The following KAT2B variants were observed in gnomAD, a reference collection of about 807,000 sequenced individuals.
The protein encoded by KAT2B is lysine acetyltransferase 2B, also known as histone acetyltransferase KAT2B.
Under a neutral mutation model 105.9 loss-of-function variants are expected in KAT2B, and 36 were observed. That is an observed-to-expected ratio of 0.34 (90% CI 0.26 to 0.45). KAT2B has a LOEUF of 0.45. Among genes scored for constraint, KAT2B ranks in the 20% least tolerant of loss-of-function variants. The probability of loss-of-function intolerance (pLI) is 1.00; values close to 1 mark genes in which losing one functional copy is unlikely to be tolerated. For synonymous variants in KAT2B, 397 were observed against 377.9 expected, an observed-to-expected ratio of 1.05 and a Z score of -0.59; for missense variants, 820 against 1,021.6, an observed-to-expected ratio of 0.80 and a Z score of 2.69.
rs140696434 is a variant in KAT2B at position 20,091,951 on chromosome 3, G to C, written c.431-3312G>C. 1.9e-3 allele frequency among the ~76,000 whole-genome samples: 290 copies of C among 152,224 alleles called. 2 individuals are homozygous for C. In the East Asian group the frequency reaches 0.022, roughly 12 times the overall value. The stretch of plus-strand genomic sequence containing the variant: ...GGAATAGACAGTTGGTATGATTTCA[G>C]TCTTTTAAAAGTTGTTAAGACTTGT... On this transcript the variant is annotated intron_variant, in intron 2 of 17. Coordinates refer to ENST00000263754, the MANE Select transcript of KAT2B (RefSeq NM_003884.5).
intron 7 of KAT2B, among the ~76,000 whole-genome samples, chr3:20,117,202 G>A (rs1427238595): frequency 6.6e-6 from 1 of 152,148 alleles, no homozygotes; most frequent in Non-Finnish European, 1.5e-5. Context: ...GTTGTTGCCT[G>A]TGACCCTATG....
chr3:20,078,703 GTATA>G (rs371492340), intron 2 of KAT2B, among the ~76,000 whole-genome samples: 7 of 148,022 alleles, frequency 4.7e-5, no homozygotes, highest in Non-Finnish European at 7.4e-5. Flanking sequence ...GTATATATAT[GTATA>G]TATATATGTA....
chr3:20,139,800 AT>A (rs3840190), intron 12 of KAT2B, among the ~76,000 whole-genome samples: 39,857 of 151,728 alleles, frequency 0.26, 8,048 homozygotes, highest in East Asian at 0.62. Flanking sequence ...TAATCACTTT[AT>A]TTTTTTGACC....
chr3:20,126,066 G>C lies in KAT2B; in HGVS notation c.1575G>C (p.Gln525His). The change falls in exon 10 of 18, where the codon CAG becomes CAC. Residue 525 changes from glutamine (Q) to histidine (H), a missense_variant. Gln to His is a conservative substitution (Grantham distance 24). Transcript: ENST00000263754. ...LVGLQNVFSH[Q>H]LPRMPKEYIT... is the part of the protein sequence containing the mutation. ...GCCTACAGAACGTTTTCTCCCACCA[G>C]CTGCCCCGAATGCCAAAAGAATACA... 1 of 1,613,422 alleles carries C rather than the reference G, an allele frequency of 6.2e-7. No individual in the cohort carries two copies. The highest frequency in any genetic ancestry group is 8.5e-7 in the Non-Finnish European group (1 of 1,179,642).
intron 17 of KAT2B, among the ~76,000 whole-genome samples, chr3:20,149,230 G>T (rs1314211965): frequency 6.6e-6 from 1 of 152,018 alleles, no homozygotes; most frequent in Non-Finnish European, 1.5e-5. Context: ...CCATATTTTT[G>T]GAGAGAGCCA....
chr3:20,049,018 C>T (rs539093709), intron 1 of KAT2B, among the ~76,000 whole-genome samples: 7 of 152,244 alleles, frequency 4.6e-5, no homozygotes, highest in East Asian at 1.9e-4. Context: ...CCCGCCACCA[C>T]GCCCGGCTAA....
intron 5 of KAT2B, among the ~76,000 whole-genome samples, chr3:20,104,883 T>C (rs1008898925): frequency 1.1e-5 from 1 of 88,832 alleles, no homozygotes; most frequent in African/African-American, 5.9e-5. Context: ...TTTTTTGTTG[T>C]TTTTTTGTTT....
At chr3:20,041,727 A>C (rs1321120520) in intron 1 of KAT2B, among the ~76,000 whole-genome samples, 7 of 152,152 alleles carry the variant, frequency 4.6e-5, no homozygotes, top group Non-Finnish European at 8.8e-5. Context: ...TGGCTGAGGC[A>C]GGGAAGAGAC....
chr3:20,103,191 T>G (rs957639186), intron 5 of KAT2B, among the ~76,000 whole-genome samples: 2 of 152,218 alleles, frequency 1.3e-5, no homozygotes, highest in Non-Finnish European at 2.9e-5. Context: ...TGCTATATTA[T>G]TGAAACTCTT....
rs759961036 is a variant in KAT2B at position 20,072,479 on chromosome 3, A to G, written c.430+20A>G. 1.1e-5 allele frequency: 17 copies of G among 1,611,196 alleles called. No individual in the cohort carries two copies. Among genetic ancestry groups the G allele is most frequent in the Non-Finnish European group, 1.4e-5 (17 of 1,177,576 alleles). ...CCCTAGGTGAGTTCCTAAATCTTCA[A>G]GGAAAGTATAACGAGTTCATTGTAG... On this transcript the variant is annotated intron_variant, in intron 2 of 17. Transcript: ENST00000263754.
intron 1 of KAT2B, among the ~76,000 whole-genome samples, chr3:20,051,206 A>AAAG (rs572231072): frequency 6.6e-6 from 1 of 151,274 alleles, no homozygotes; most frequent in East Asian, 2.0e-4. Flanking sequence ...TCTCAAAAAA[A>AAAG]AAAAAAAACC....
intron 5 of KAT2B, among the ~76,000 whole-genome samples, chr3:20,104,882 G>GTTT (rs1419073499): frequency 2.3e-5 from 2 of 88,030 alleles, no homozygotes. Flanking sequence ...TTTTTTTGTT[G>GTTT]TTTTTTTGTT....
chr3:20,043,368 T>G (rs1697752971), intron 1 of KAT2B, among the ~76,000 whole-genome samples: 1 of 152,166 alleles, frequency 6.6e-6, no homozygotes, highest in Non-Finnish European at 1.5e-5. Context: ...TATGCATGTG[T>G]TGGGGGCCTA....
intron 1 of KAT2B, among the ~76,000 whole-genome samples, chr3:20,045,040 GGTCTCGCTCT>G (rs1338061511): frequency 4.6e-5 from 7 of 151,828 alleles, no homozygotes; most frequent in Non-Finnish European, 1.0e-4. Flanking sequence ...TTTGAGACAG[GGTCTCGCTCT>G]GTCACCCTGG....
At chr3:20,049,874 G>A (rs1575104187) in intron 1 of KAT2B, among the ~76,000 whole-genome samples, 1 of 152,266 alleles carries the variant, frequency 6.6e-6, no homozygotes, top group South Asian at 2.1e-4. Context: ...TGCCAAATGT[G>A]TCAGAAAGTT....
At chr3:20,130,052 A>G (rs536034814) in intron 11 of KAT2B, among the ~76,000 whole-genome samples, 3 of 152,112 alleles carry the variant, frequency 2.0e-5, no homozygotes, top group South Asian at 4.2e-4. Context: ...TGATCTGCTC[A>G]CTGCAACCTC....
chr3:20,082,731 T>C (rs1698541777), intron 2 of KAT2B, among the ~76,000 whole-genome samples: 1 of 152,188 alleles, frequency 6.6e-6, no homozygotes, highest in Non-Finnish European at 1.5e-5. Flanking sequence ...AGATATGGCT[T>C]TCTAAAAAGA....
chr3:20,077,897 T>C (rs1176529362), intron 2 of KAT2B, among the ~76,000 whole-genome samples: 5 of 152,128 alleles, frequency 3.3e-5, no homozygotes, highest in Non-Finnish European at 7.4e-5. Flanking sequence ...AGCTTGGGTC[T>C]TGCATGGTGG....
intron 2 of KAT2B, among the ~76,000 whole-genome samples, 167 bp from the exon 3 acceptor site, chr3:20,095,096 T>A (rs1380199202): frequency 6.6e-6 from 1 of 152,180 alleles, no homozygotes; most frequent in Non-Finnish European, 1.5e-5. Context: ...ATAGGTAGAT[T>A]TTGTGAGAAG....
Sources: gnomAD v4.1 joint callset for allele counts (sites outside exome capture counted in the v4.1 genomes callset) on GRCh38, gnomAD v4.1.1 for gene constraint, MANE v1.5 for transcripts, NCBI Gene and HGNC (gene_info 2026-07-23, HGNC 2026-07-21) for gene names.